SLC12A2: variants seen among roughly 807,000 people sequenced by gnomAD.
SLC12A2 encodes the protein Na-K-2Cl cotransporter 1.
A neutral mutation model predicts 136.3 loss-of-function variants in SLC12A2; 67 were observed. That is an observed-to-expected ratio of 0.49 (90% CI 0.40 to 0.60). The LOEUF (loss-of-function observed/expected upper bound fraction) is 0.60. Ranked by LOEUF, SLC12A2 falls within the 20% of genes least tolerant of loss-of-function variation. SLC12A2 has a pLI of 0.00. For missense variants in SLC12A2, 1,322 were observed against 1,534.7 expected (o/e 0.86, Z 2.32); for synonymous variants, 619 against 562.9 (o/e 1.10, Z -1.41).
At chr5:128,091,328 A>G (rs1482472671) in intron 1 of SLC12A2, among the ~76,000 whole-genome samples, 1 of 152,200 alleles carries the variant, frequency 6.6e-6, no homozygotes, top group Non-Finnish European at 1.5e-5. Context: ...TCATTCTACA[A>G]ATTAGTTCTC....
intron 15 of SLC12A2, among the ~76,000 whole-genome samples, chr5:128,156,356 T>C (rs932360436): frequency 1.3e-5 from 2 of 152,284 alleles, no homozygotes; most frequent in East Asian, 1.9e-4. Flanking sequence ...TTGTGGTTTG[T>C]GCCTTTAAAA....
chr5:128,162,798 C>A (rs770000998), intron 17 of SLC12A2, among the ~76,000 whole-genome samples: 3 of 152,098 alleles, frequency 2.0e-5, no homozygotes. Flanking sequence ...TTAGACTGAC[C>A]CAAAATTAAG....
chr5:128,164,842 G>GT (rs1322595525), intron 17 of SLC12A2, among the ~76,000 whole-genome samples: 4 of 138,342 alleles, frequency 2.9e-5, no homozygotes, highest in South Asian at 2.2e-4. Flanking sequence ...CAACAAAACT[G>GT]TTTTGTTTTT....
At chr5:128,131,022 C>G in intron 4 of SLC12A2, 45 bp from the exon 5 acceptor site, 5 of 1,591,576 alleles carry the variant, frequency 3.1e-6, no homozygotes, top group Non-Finnish European at 4.3e-6. Flanking sequence ...CATTTTAAAT[C>G]CTAACTTTAG....
chr5:128,122,394 G>A (rs1761616683), intron 4 of SLC12A2, among the ~76,000 whole-genome samples: 1 of 152,160 alleles, frequency 6.6e-6, no homozygotes, highest in Non-Finnish European at 1.5e-5. Flanking sequence ...AATAATAGTA[G>A]CTATTATTTT....
intron 1 of SLC12A2, among the ~76,000 whole-genome samples, chr5:128,112,543 A>G (rs1221277826): frequency 1.3e-5 from 2 of 152,210 alleles, no homozygotes; most frequent in East Asian, 1.9e-4. Flanking sequence ...TCCTCCAGAC[A>G]CTACCAAAAG....
At chr5:128,184,728 T>A (rs771603299) in intron 25 of SLC12A2, 61 bp from the exon 26 acceptor site, 1 of 1,608,354 alleles carries the variant, frequency 6.2e-7, no homozygotes. Flanking sequence ...TATAGTTTTA[T>A]GAACCATGCT....
At chr5:128,102,296 A>G (rs933473802) in intron 1 of SLC12A2, among the ~76,000 whole-genome samples, 8 of 152,150 alleles carry the variant, frequency 5.3e-5, no homozygotes, top group African/African-American at 1.9e-4. Context: ...CACCACCCAG[A>G]TCAAGAAATA....
intron 1 of SLC12A2, among the ~76,000 whole-genome samples, chr5:128,096,001 C>T (rs890999513): frequency 6.6e-6 from 1 of 152,084 alleles, no homozygotes; most frequent in African/African-American, 2.4e-5. Flanking sequence ...TGTTAGATAA[C>T]TGTATACTGA....
At chr5:128,150,426 T>G (rs908698086) in intron 13 of SLC12A2, among the ~76,000 whole-genome samples, 13 of 151,838 alleles carry the variant, frequency 8.6e-5, no homozygotes, top group African/African-American at 3.1e-4. Flanking sequence ...ATAGTTTACC[T>G]GTAAGAAAAT....
Position 128,167,863 on chromosome 5 carries a change from T to C in SLC12A2, c.2719T>C (p.Phe907Leu). 6 of 1,480,848 alleles carry C rather than the reference T, an allele frequency of 4.1e-6. No individual in the cohort carries two copies. Among genetic ancestry groups the C allele is most frequent in the Non-Finnish European group, 4.6e-6 (5 of 1,080,822 alleles). 91.7% of individuals were successfully genotyped at this position (1,480,848 alleles called of 1,614,324 possible). The change falls in exon 18 of 27, where the codon TTT becomes CTT. Residue 907 changes from phenylalanine to leucine, a missense_variant. Transcript: ENST00000262461. The stretch of plus-strand genomic sequence containing the variant: ...GGATGTGGATATGTATATAAACTTA[T>C]TTCAGTAAGTATCTTTTTAATTCAA... ...MRDVDMYINL[F>L]HDAFDIQYGV... is the part of the protein sequence containing the mutation.
In SLC12A2 at chr5:128,135,723, C is replaced by A; in HGVS notation, c.1323C>A (p.Ile441=). ...AGGCTCAGATTGTTCTTTTGGTGAT[C>A]CTACTTCTTGCTATTGGTGATTTCG... ...EAKAQIVLLV[I]LLLAIGDFVI... Residue 441 remains isoleucine, a synonymous_variant, in exon 7 of 27, where the codon ATC becomes ATA. Transcript: ENST00000262461. 1 of 1,610,238 alleles carries A rather than the reference C, an allele frequency of 6.2e-7. No homozygotes were observed. Among genetic ancestry groups the A allele is most frequent in the Non-Finnish European group, 8.5e-7 (1 of 1,177,072 alleles).
rs1416596825 is a variant in SLC12A2, at chr5:128,188,236, GTTAA to G, written c.*1608_*1611del. On this transcript the variant is annotated 3_prime_UTR_variant, in exon 27 of 27. Transcript: ENST00000262461. ...CTTCGCCTAAAATACTGTTAAGTGGGTTAATTGATACAAGTTTCTGTGGTGGAAA... is the reference window on the plus strand; with the variant it reads ...CTTCGCCTAAAATACTGTTAAGTGGGTTGATACAAGTTTCTGTGGTGGAAA... 1 of 150,436 alleles carries G rather than the reference GTTAA, an allele frequency of 6.6e-6. No individual in the cohort carries two copies. The highest frequency in any genetic ancestry group is 1.5e-5 in the Non-Finnish European group (1 of 67,788). The allele number at this position is 150,436 out of a possible 1,614,324, so 9.3% of individuals were successfully genotyped here.
At chr5:128,148,704 T>G (rs763981826) in intron 11 of SLC12A2, 50 bp from the exon 12 acceptor site, 2 of 1,472,596 alleles carry the variant, frequency 1.4e-6, no homozygotes, top group Non-Finnish European at 1.8e-6. Context: ...TATCAGCAAA[T>G]CTGCATGTCT....
chr5:128,114,714 G>A, intron 4 of SLC12A2, 33 bp downstream of exon 4: 1 of 1,250,620 alleles, frequency 8.0e-7, no homozygotes, highest in Non-Finnish European at 1.2e-6. Flanking sequence ...ATCATCATCA[G>A]ATTACTCTTA....
intron 9 of SLC12A2, 99 bp downstream of exon 9, chr5:128,139,007 G>T: frequency 1.2e-6 from 1 of 817,018 alleles, no homozygotes; most frequent in Non-Finnish European, 1.9e-6. Context: ...TTTAAATACA[G>T]AAATATTTCA....
At chr5:128,176,375 A>G (rs1362156658) in intron 20 of SLC12A2, among the ~76,000 whole-genome samples, 1 of 152,000 alleles carries the variant, frequency 6.6e-6, no homozygotes, top group Admixed American at 6.6e-5. Flanking sequence ...CCACTGTAGT[A>G]TACTCTTTCC....
At chr5:128,131,847 A>T (rs1762034376) in intron 5 of SLC12A2, among the ~76,000 whole-genome samples, 1 of 152,072 alleles carries the variant, frequency 6.6e-6, no homozygotes, top group Non-Finnish European at 1.5e-5. Flanking sequence ...CTCTACTAAA[A>T]ATAAAAAATT....
At chr5:128,167,727 A>G (rs756845271) in intron 17 of SLC12A2, 34 bp from the exon 18 acceptor site, 28 of 1,402,390 alleles carry the variant, frequency 2.0e-5, no homozygotes, top group Non-Finnish European at 2.5e-5. Context: ...TGAAAATAAT[A>G]TATCTGTAAA....
Sources: gnomAD v4.1 joint callset for allele counts (sites outside exome capture counted in the v4.1 genomes callset) on GRCh38, gnomAD v4.1.1 for gene constraint, MANE v1.5 for transcripts, NCBI Gene and HGNC (gene_info 2026-07-23, HGNC 2026-07-21) for gene names.